Variants in RAMP1 observed in about 807,000 individuals in gnomAD.
RAMP1 encodes the protein receptor activity modifying protein 1.
RAMP1 carries 7 observed loss-of-function variants against 8.2 expected under a neutral mutation model. The observed-to-expected ratio is 0.85, with a 90% CI of 0.49 to 1.60. The LOEUF is 1.60. Among genes scored for constraint, RAMP1 ranks in the 40% most tolerant of loss-of-function variants. The pLI, the probability that RAMP1 is intolerant of heterozygous loss-of-function variation, is 0.00. For missense variants in RAMP1, 192 were observed against 202.4 expected (o/e 0.95, Z 0.31); for synonymous variants, 92 against 84.7 (o/e 1.09, Z -0.47).
chr2:237,900,068 A>G (rs1192332330), intron 2 of RAMP1, among the ~76,000 whole-genome samples: 2 of 152,196 alleles, frequency 1.3e-5, no homozygotes, highest in African/African-American at 4.8e-5. Flanking sequence ...AAGTATCCCA[A>G]TTCACTGAGG....
At chr2:237,872,803 G>A (rs556011466) in intron 1 of RAMP1, among the ~76,000 whole-genome samples, 5 of 152,310 alleles carry the variant, frequency 3.3e-5, no homozygotes, top group South Asian at 2.1e-4. Flanking sequence ...GAGGTGGGAC[G>A]ATGCCCAGGA....
intron 2 of RAMP1, among the ~76,000 whole-genome samples, chr2:237,899,365 C>G (rs2062575963): frequency 6.6e-6 from 1 of 152,242 alleles, no homozygotes; most frequent in Non-Finnish European, 1.5e-5. Context: ...GCCACTGCAC[C>G]TGGCCGAGAG....
intron 1 of RAMP1, among the ~76,000 whole-genome samples, chr2:237,872,537 C>G (rs1283478015): frequency 2.0e-5 from 3 of 152,212 alleles, no homozygotes. Flanking sequence ...CATGGGTCAC[C>G]CACAGCCTTT....
chr2:237,909,321 T>TC (rs2062684954), intron 2 of RAMP1, among the ~76,000 whole-genome samples: 3 of 152,072 alleles, frequency 2.0e-5, no homozygotes, highest in African/African-American at 7.2e-5. Context: ...GTAACAGCGG[T>TC]CCCCGAGCAT....
intron 2 of RAMP1, among the ~76,000 whole-genome samples, chr2:237,903,356 T>C (rs2062624472): frequency 6.6e-6 from 1 of 152,194 alleles, no homozygotes; most frequent in African/African-American, 2.4e-5. Flanking sequence ...TAATTTAGGA[T>C]AATTCCCAGT....
Position 237,911,556 on chromosome 2 carries a change from TG to T in RAMP1, c.222del (p.Trp74CysfsTer56). ...RSYRELADCT[W>X]HMAEKLGCFW... is the part of the protein sequence containing the mutation. Reference sequence around the variant, plus strand: ...CTACAGGGAGCTGGCCGACTGCACCTGGCACATGGCGGAGAAGCTGGGCTGC... The same window carrying T: ...CTACAGGGAGCTGGCCGACTGCACCTGCACATGGCGGAGAAGCTGGGCTGC... On this transcript the variant is annotated frameshift_variant, in exon 3 of 3. Coordinates refer to ENST00000254661, the MANE Select transcript of RAMP1 (RefSeq NM_005855.4). LOFTEE classifies it low-confidence loss of function (END_TRUNC). 1 of 1,614,136 alleles carries T rather than the reference TG, an allele frequency of 6.2e-7. No individual in the cohort carries two copies. The highest frequency in any genetic ancestry group is 1.1e-5 in the South Asian group (1 of 91,088).
intron 1 of RAMP1, chr2:237,874,721 T>C: frequency 1.0e-6 from 1 of 979,878 alleles, no homozygotes; most frequent in Non-Finnish European, 1.2e-6. Context: ...GCCATCTTAT[T>C]TGCTGGCTCA....
intron 2 of RAMP1, among the ~76,000 whole-genome samples, chr2:237,882,398 G>A (rs762142080): frequency 6.6e-5 from 10 of 152,214 alleles, no homozygotes; most frequent in Non-Finnish European, 1.0e-4. Flanking sequence ...GCTTTGTGTC[G>A]AGCACGTAAC....
intron 2 of RAMP1, among the ~76,000 whole-genome samples, chr2:237,890,145 C>T (rs2062474592): frequency 6.6e-6 from 1 of 152,086 alleles, no homozygotes; most frequent in African/African-American, 2.4e-5. Flanking sequence ...GGGTTAGGAC[C>T]ACGTTTGCCT....
At position 237,865,262 on chromosome 2, in the gene RAMP1, AGAGAG is replaced by A. The variant is rs1040227240; in HGVS notation, c.52+5544_52+5548del. Among the ~76,000 whole-genome samples the A allele has an allele frequency of 1.5e-5, 2 of 132,358 alleles. No homozygotes were observed. The highest frequency in any genetic ancestry group is 7.5e-5 in the Admixed American group (1 of 13,256). 86.8% of individuals were successfully genotyped at this position (132,358 alleles called of 152,430 possible). On this transcript the variant is annotated intron_variant, in intron 1 of 2. Coordinates refer to ENST00000254661, the MANE Select transcript of RAMP1 (RefSeq NM_005855.4). The surrounding 1 kb of genome is among the most constrained non-coding windows in gnomAD (Gnocchi z 4.2). ...AGTAGGGAGGGCAGGGCAGGGGAGA[AGAGAG>A]GAGAGGAGGGGAGGGGAGAGCAGGG...
At chr2:237,894,745 T>G (rs1421505166) in intron 2 of RAMP1, among the ~76,000 whole-genome samples, 4 of 152,150 alleles carry the variant, frequency 2.6e-5, no homozygotes, top group Non-Finnish European at 5.9e-5. Context: ...GCTTTTGAAC[T>G]GTGGAGAGGC....
chr2:237,859,557 C>CA, upstream of RAMP1: 1 of 645,754 alleles, frequency 1.5e-6, no homozygotes, highest in Non-Finnish European at 1.9e-6. Flanking sequence ...GCCGCCGCCT[C>CA]CCACCGCTCC....
chr2:237,870,210 A>G (rs2062231075), intron 1 of RAMP1, among the ~76,000 whole-genome samples: 1 of 152,162 alleles, frequency 6.6e-6, no homozygotes, highest in Non-Finnish European at 1.5e-5. Flanking sequence ...CTGGTTTAAC[A>G]TCTGGTTTTC....
chr2:237,869,212 G>A (rs1247059154), intron 1 of RAMP1, among the ~76,000 whole-genome samples: 1 of 152,152 alleles, frequency 6.6e-6, no homozygotes, highest in African/African-American at 2.4e-5. Context: ...GACCCTGCCA[G>A]TCACAGCTGC....
intron 2 of RAMP1, among the ~76,000 whole-genome samples, chr2:237,880,726 C>A (rs1178702345): frequency 6.6e-6 from 1 of 152,206 alleles, no homozygotes; most frequent in Non-Finnish European, 1.5e-5. Context: ...AATTTCCGAA[C>A]GTGCTGGTAA....
At chr2:237,895,520 T>G (rs6431562) in intron 2 of RAMP1, among the ~76,000 whole-genome samples, 132,198 of 152,182 alleles carry the variant, frequency 0.87, 57,566 homozygotes, top group East Asian at 0.93. Context: ...GGTGAGATTG[T>G]GGCAGGAGGG....
chr2:237,863,971 C>T (rs1351653293), intron 1 of RAMP1, among the ~76,000 whole-genome samples: 5 of 152,144 alleles, frequency 3.3e-5, no homozygotes, highest in Non-Finnish European at 7.4e-5. Context: ...CCACCCCACC[C>T]ACCACCCCAG....
In RAMP1 at chr2:237,859,856, C is replaced by T. The variant is rs191827944; in HGVS notation, c.52+129C>T. The T allele has an allele frequency of 1.2e-3, 1,052 of 913,500 alleles. 10 individuals are homozygous for T. The African/African-American group carries it at 0.017, about 15-fold the overall frequency. The allele number at this position is 913,500 out of a possible 1,614,324, so 56.6% of individuals were successfully genotyped here. A position where few individuals can be genotyped will look rare whatever the true frequency, so the allele number is the denominator to read the frequency against. ...GGCGGGCGCCGCGGGCGCACAGATC[C>T]GCTGCCCTTGAACGCGGGCCGCCCC... is the stretch of plus-strand genomic sequence containing the variant. On this transcript the variant is annotated intron_variant, in intron 1 of 2. Transcript: ENST00000254661.
chr2:237,887,573 G>A (rs1017114919), intron 2 of RAMP1, among the ~76,000 whole-genome samples: 5 of 152,228 alleles, frequency 3.3e-5, no homozygotes, highest in Admixed American at 3.3e-4. Context: ...CCTCACTCTA[G>A]GGCAGGCCAC....
Sources: gnomAD v4.1 joint callset for allele counts (sites outside exome capture counted in the v4.1 genomes callset) on GRCh38, gnomAD v4.1.1 for gene constraint, Gnocchi (gnomAD v3.1) non-coding constraint, MANE v1.5 for transcripts, NCBI Gene and HGNC (gene_info 2026-07-23, HGNC 2026-07-21) for gene names.